ZSCAN5A: variants seen among roughly 807,000 people sequenced by gnomAD.
The protein encoded by ZSCAN5A is zinc finger and SCAN domain-containing protein 5A.
In ZSCAN5A, 12 loss-of-function variants were observed where a neutral mutation model predicts 23.7. The ratio of observed to expected loss-of-function variants is 0.51; its 90% confidence interval spans 0.32 to 0.82. The LOEUF (loss-of-function observed/expected upper bound fraction) is 0.82. Among genes scored for constraint, ZSCAN5A ranks in the 40% least tolerant of loss-of-function variants. The pLI is 0.03. For synonymous variants in ZSCAN5A, 257 were observed against 239.9 expected (o/e 1.07, Z -0.66); for missense variants, 597 against 617.9 (o/e 0.97, Z 0.36).
chr19:56,314,558 A>AATCTCCCCCTCCTCCCACGT (rs2041249044), intron 1 of ZSCAN5A, 123 bp downstream of exon 1: 13 of 152,210 alleles, frequency 8.5e-5, no homozygotes, highest in Admixed American at 8.5e-4. Flanking sequence ...TCCTCCCACG[A>AATCTCCCCCTCCTCCCACGT]ATCTCCCCCT....
chr19:56,345,300 C>T (rs1403200994), intron 2 of ZSCAN5A, among the ~76,000 whole-genome samples: 1 of 152,174 alleles, frequency 6.6e-6, no homozygotes, highest in Non-Finnish European at 1.5e-5. Context: ...AATCAGAGCT[C>T]TTTTATATAT....
At chr19:56,259,940 C>A (rs148953959) in intron 2 of ZSCAN5A, among the ~76,000 whole-genome samples, 1 of 152,136 alleles carries the variant, frequency 6.6e-6, no homozygotes, top group African/African-American at 2.4e-5. Context: ...TGCCCTTGCA[C>A]GCCAGCCTGG....
intron 2 of ZSCAN5A, among the ~76,000 whole-genome samples, chr19:56,311,373 T>A (rs922488458): frequency 2.0e-5 from 3 of 152,204 alleles, no homozygotes; most frequent in Non-Finnish European, 4.4e-5. Context: ...TTTTCCTCAT[T>A]TATGTTAAAT....
chr19:56,304,118 A>C (rs2040523371), intron 2 of ZSCAN5A, among the ~76,000 whole-genome samples: 1 of 152,132 alleles, frequency 6.6e-6, no homozygotes, highest in African/African-American at 2.4e-5. Flanking sequence ...AGTGGATCGG[A>C]ATCAGGGCGA....
chr19:56,351,952 GAAGATGTCATTACACTTTCTT>G lies in ZSCAN5A; in HGVS notation c.-358+11262_-358+11282del, dbSNP rs2041670012. ...GCAAGATGAAATTGTGTTGCGGGAT[GAAGATGTCATTACACTTTCTT>G]ACCCAAAGTCAGGTAGGGAAGTGGG... On this transcript the variant is annotated intron_variant, in intron 2 of 6. Coordinates refer to the ZSCAN5A transcript ENST00000587340. This position sits in a 1 kb window ranked among gnomAD's most constrained non-coding sequence, Gnocchi z 4.8. Among the ~76,000 whole-genome samples, 1 of 152,218 alleles carries G rather than the reference GAAGATGTCATTACACTTTCTT, an allele frequency of 6.6e-6. No individual in the cohort carries two copies. The highest frequency in any genetic ancestry group is 1.9e-4 in the East Asian group (1 of 5,200).
intron 2 of ZSCAN5A, among the ~76,000 whole-genome samples, chr19:56,255,557 G>A (rs1171169964): frequency 2.0e-5 from 3 of 151,710 alleles, no homozygotes; most frequent in Non-Finnish European, 4.4e-5. Context: ...GGTCCACGTT[G>A]ATTAATTCCC....
At chr19:56,261,077 A>G (rs966299798) in intron 2 of ZSCAN5A, among the ~76,000 whole-genome samples, 4 of 151,986 alleles carry the variant, frequency 2.6e-5, no homozygotes, top group Admixed American at 1.3e-4. Flanking sequence ...GTGTGGTGGC[A>G]GGCACCTGTA....
At chr19:56,313,594 T>C (rs1181463088) in intron 1 of ZSCAN5A, among the ~76,000 whole-genome samples, 1 of 152,252 alleles carries the variant, frequency 6.6e-6, no homozygotes, top group African/African-American at 2.4e-5. Context: ...TGATGTATTT[T>C]ATTTTGGTGG....
At chr19:56,336,371 C>T (rs546902714) in intron 2 of ZSCAN5A, among the ~76,000 whole-genome samples, 4 of 152,142 alleles carry the variant, frequency 2.6e-5, no homozygotes, top group Non-Finnish European at 4.4e-5. Flanking sequence ...TCCAGTTGAT[C>T]GCATCAGCTA....
chr19:56,221,587 A>G lies in ZSCAN5A; in HGVS notation c.1479T>C (p.Ala493=), dbSNP rs138110009. ...CCGGATTATGCAATCACTGAGAAGTAGCTTCTGGATGTGTTTTCTGGTGGC... is the reference window on the plus strand; with the variant it reads ...CCGGATTATGCAATCACTGAGAAGTGGCTTCTGGATGTGTTTTCTGGTGGC... ...LRRHQKTHPE[A]TSQ Residue 493 remains alanine (A), a synonymous_variant, in exon 6 of 6, where the codon GCT becomes GCC. Transcript: ENST00000683990. 5.1e-4 allele frequency: 820 copies of G among 1,597,514 alleles called. No individual in the cohort carries two copies. Among genetic ancestry groups the G allele is most frequent in the Middle Eastern group, 6.7e-4 (4 of 5,932 alleles).
intron 2 of ZSCAN5A, chr19:56,322,430 A>AACCCCACC: frequency 1.7e-6 from 1 of 595,664 alleles, no homozygotes; most frequent in Admixed American, 2.7e-5. Flanking sequence ...GCGACCCCGC[A>AACCCCACC]ACCCCACCAT....
At chr19:56,295,523 A>T (rs895525628) in intron 2 of ZSCAN5A, among the ~76,000 whole-genome samples, 2 of 152,000 alleles carry the variant, frequency 1.3e-5, no homozygotes, top group African/African-American at 2.4e-5. Context: ...TGAACCCGGG[A>T]GGCAGAAGTT....
chr19:56,320,573 T>C, intron 2 of ZSCAN5A: 1 of 533,598 alleles, frequency 1.9e-6, no homozygotes, highest in Non-Finnish European at 3.4e-6. Context: ...GATCATACCA[T>C]TGCACTCCAG....
At chr19:56,229,798 T>C (rs948878312) in intron 2 of ZSCAN5A, among the ~76,000 whole-genome samples, 10 of 152,206 alleles carry the variant, frequency 6.6e-5, no homozygotes, top group African/African-American at 2.4e-4. Flanking sequence ...TGTGGAAATC[T>C]TTCACCTCCC....
At chr19:56,343,107 A>G (rs921200186) in intron 2 of ZSCAN5A, 54 of 756,136 alleles carry the variant, frequency 7.1e-5, no homozygotes, top group Non-Finnish European at 1.5e-5. Flanking sequence ...GGTCCTATCC[A>G]ATGATCCACA....
At chr19:56,273,282 C>A (rs188099588) in intron 2 of ZSCAN5A, among the ~76,000 whole-genome samples, 3 of 152,304 alleles carry the variant, frequency 2.0e-5, no homozygotes, top group Non-Finnish European at 4.4e-5. Context: ...GCCTGGAAGT[C>A]AACATTACCA....
intron 2 of ZSCAN5A, chr19:56,284,922 A>G: frequency 1.4e-6 from 1 of 736,918 alleles, no homozygotes. Flanking sequence ...CATCTGTTGA[A>G]CTGGGAGAAA....
chr19:56,289,207 T>C lies in ZSCAN5A; in HGVS notation c.-128+24076A>G, dbSNP rs138339719. On this transcript the variant is annotated intron_variant, in intron 2 of 5. Transcript: ENST00000683990. The stretch of plus-strand genomic sequence containing the variant: ...GGATGCTAAGGGTCTGAGAGCTGCA[T>C]TGGACAATTCCTAAATTTTAGTAAT... 1.5e-4 allele frequency among the ~76,000 whole-genome samples: 23 copies of C among 152,336 alleles called. No homozygotes were observed. In the Middle Eastern group the frequency reaches 0.017, roughly 113 times the overall value.
At chr19:56,347,344 C>T (rs934376391) in intron 2 of ZSCAN5A, 8 of 152,170 alleles carry the variant, frequency 5.3e-5, no homozygotes, top group African/African-American at 1.4e-4. Context: ...TGTTATCAAC[C>T]GGACACAAAC....
Sources: allele counts gnomAD v4.1 joint callset (sites outside exome capture counted in the v4.1 genomes callset), GRCh38; gene constraint gnomAD v4.1.1; non-coding constraint Gnocchi (gnomAD v3.1); transcripts MANE v1.5; gene names NCBI Gene and HGNC (gene_info 2026-07-23, HGNC 2026-07-21).